Variants in CDH11 observed in about 807,000 individuals in gnomAD.
CDH11 encodes cadherin-11.
A neutral mutation model predicts 67.8 loss-of-function variants in CDH11; 11 were observed. The ratio of observed to expected loss-of-function variants is 0.16; its 90% confidence interval spans 0.10 to 0.27. CDH11 has a LOEUF of 0.27. Among genes scored for constraint, CDH11 ranks in the 10% least tolerant of loss-of-function variants. The pLI is 1.00. For missense variants in CDH11, 847 were observed against 1,031.2 expected (o/e 0.82, Z 2.45); for synonymous variants, 419 against 400.0 (o/e 1.05, Z -0.57).
chr16:64,970,104 T>C (rs2071962537), intron 11 of CDH11, among the ~76,000 whole-genome samples: 1 of 152,148 alleles, frequency 6.6e-6, no homozygotes, highest in Non-Finnish European at 1.5e-5. Flanking sequence ...TAAAAACACG[T>C]TTTTCTACAT....
intron 1 of CDH11, among the ~76,000 whole-genome samples, chr16:65,118,185 A>G (rs1294755978): frequency 1.3e-5 from 2 of 152,146 alleles, no homozygotes; most frequent in Non-Finnish European, 2.9e-5. Flanking sequence ...CCAGAAGTGC[A>G]ATCTTCCGCG....
At position 64,946,483 on chromosome 16, in the gene CDH11, T is replaced by C. The variant is rs2071200115; in HGVS notation, c.*1120A>G. ...TAAATGCATACTATATAACACATAT[T>C]GCAAAGTCATAGACTGACCTAGTTC... On this transcript the variant is annotated 3_prime_UTR_variant, in exon 13 of 13. Transcript: ENST00000268603. 15 of 1,030,628 alleles carry C rather than the reference T, an allele frequency of 1.5e-5. No individual in the cohort carries two copies. Among genetic ancestry groups the C allele is most frequent in the Non-Finnish European group, 1.8e-5 (15 of 857,018 alleles). The allele number at this position is 1,030,628 out of a possible 1,614,324, so 63.8% of individuals were successfully genotyped here.
chr16:65,064,446 G>A (rs1211722685), intron 1 of CDH11, among the ~76,000 whole-genome samples: 1 of 152,188 alleles, frequency 6.6e-6, no homozygotes, highest in African/African-American at 2.4e-5. Context: ...TCAGGGTTCT[G>A]TTACAAAGAC....
intron 7 of CDH11, among the ~76,000 whole-genome samples, chr16:64,983,515 C>T (rs551592921): frequency 3.3e-5 from 5 of 152,142 alleles, no homozygotes; most frequent in Non-Finnish European, 7.4e-5. Flanking sequence ...TCTGAATGGG[C>T]ATATAGTCAT....
intron 3 of CDH11, 77 bp from the exon 4 acceptor site, chr16:64,998,933 A>G: frequency 8.5e-7 from 1 of 1,178,166 alleles, no homozygotes; most frequent in African/African-American, 1.5e-5. Flanking sequence ...TGATTGCAAC[A>G]ATCTGCTGCG....
chr16:64,946,792 C>CT lies in CDH11; in HGVS notation c.*810dup, dbSNP rs1251451192. On this transcript the variant is annotated 3_prime_UTR_variant, in exon 13 of 13. Transcript: ENST00000268603. ...ATCAAACCCAGAATTAAAAAAAAAT[C>CT]TTTTTTTATTTCAAAGATTGCTTCT... 3.4e-5 allele frequency: 30 copies of CT among 878,778 alleles called. No homozygotes were observed. Among genetic ancestry groups the CT allele is most frequent in the Middle Eastern group, 5.3e-4 (1 of 1,884 alleles). The allele number at this position is 878,778 out of a possible 1,614,324, so 54.4% of individuals were successfully genotyped here. A position where few individuals can be genotyped will look rare whatever the true frequency, so the allele number is the denominator to read the frequency against.
chr16:65,060,227 G>C (rs183799488), intron 1 of CDH11, among the ~76,000 whole-genome samples: 141 of 152,152 alleles, frequency 9.3e-4, no homozygotes, highest in African/African-American at 3.3e-3. Flanking sequence ...GATTTCCCTT[G>C]CTCCAAAGAC....
chr16:65,043,189 A>G (rs559291491), intron 2 of CDH11, among the ~76,000 whole-genome samples: 1 of 152,336 alleles, frequency 6.6e-6, no homozygotes, highest in East Asian at 1.9e-4. Flanking sequence ...AGTGTTTAGC[A>G]TCCCATGAAT....
At chr16:64,990,243 G>A (rs1246507023) in intron 6 of CDH11, among the ~76,000 whole-genome samples, 1 of 152,158 alleles carries the variant, frequency 6.6e-6, no homozygotes, top group Non-Finnish European at 1.5e-5. Context: ...ATCGTACAGT[G>A]TGGATAATGG....
At chr16:64,972,142 G>A in intron 9 of CDH11, 78 bp from the exon 10 acceptor site, 2 of 1,318,100 alleles carry the variant, frequency 1.5e-6, no homozygotes, top group South Asian at 2.5e-5. Context: ...TTGGGAAAGA[G>A]TAAGCTCCAG....
chr16:65,016,393 C>T (rs754483977), intron 2 of CDH11, among the ~76,000 whole-genome samples: 17 of 151,986 alleles, frequency 1.1e-4, no homozygotes, highest in South Asian at 2.1e-4. Flanking sequence ...TTAGTACAAA[C>T]GCAGAGCATT....
intron 1 of CDH11, among the ~76,000 whole-genome samples, chr16:65,113,650 A>T (rs183948917): frequency 3.3e-5 from 5 of 152,256 alleles, no homozygotes; most frequent in Middle Eastern, 6.8e-3. Flanking sequence ...GATGGGAGTG[A>T]TGAGGATGGT....
chr16:65,003,905 G>GAT (rs2072985234), intron 3 of CDH11, among the ~76,000 whole-genome samples: 1 of 152,220 alleles, frequency 6.6e-6, no homozygotes, highest in Admixed American at 6.5e-5. Flanking sequence ...GAAGTAGACA[G>GAT]ATTAATAAGT....
intron 1 of CDH11, among the ~76,000 whole-genome samples, chr16:65,078,225 A>C (rs966274816): frequency 6.6e-6 from 1 of 152,256 alleles, no homozygotes; most frequent in Non-Finnish European, 1.5e-5. Flanking sequence ...GTGTCTGGCT[A>C]TAAGACTTTA....
At chr16:65,076,385 C>G (rs1440282166) in intron 1 of CDH11, among the ~76,000 whole-genome samples, 2 of 152,152 alleles carry the variant, frequency 1.3e-5, no homozygotes, top group Non-Finnish European at 2.9e-5. Context: ...ACCTCCCTCC[C>G]TCAGGCTCAC....
In CDH11 at chr16:64,991,820, T is replaced by C. The variant is rs202054993; in HGVS notation, c.759A>G (p.Lys253=). The change falls in exon 6 of 13, where the codon AAA becomes AAG. Residue 253 remains lysine (K), a synonymous_variant. Coordinates refer to ENST00000268603, the MANE Select transcript of CDH11 (RefSeq NM_001797.4). Reference sequence around the variant, plus strand: ...TGACATCGGTCAGTGTGATCGTCACTTTGGTTGTCCCTGAGAGTCCGCCCA... The same window carrying C: ...TGACATCGGTCAGTGTGATCGTCACCTTGGTTGTCCCTGAGAGTCCGCCCA... ...GHMGGLSGTT[K]VTITLTDVND... 1.2e-6 allele frequency: 2 copies of C among 1,613,984 alleles called. No homozygotes were observed. Among genetic ancestry groups the C allele is most frequent in the African/African-American group, 2.7e-5 (2 of 75,022 alleles).
At chr16:64,980,216 T>C (rs1286602413) in intron 8 of CDH11, among the ~76,000 whole-genome samples, 1 of 152,154 alleles carries the variant, frequency 6.6e-6, no homozygotes, top group African/African-American at 2.4e-5. Context: ...ACAGGTAAAG[T>C]TCATGCTTCA....
chr16:65,108,424 AGT>A (rs1414073958), intron 1 of CDH11, among the ~76,000 whole-genome samples: 10 of 152,214 alleles, frequency 6.6e-5, no homozygotes, highest in African/African-American at 2.4e-4. Context: ...TAATACTGAT[AGT>A]GACACTCCAT....
At chr16:65,060,325 A>G (rs903389308) in intron 1 of CDH11, among the ~76,000 whole-genome samples, 11 of 132,628 alleles carry the variant, frequency 8.3e-5, no homozygotes, top group Admixed American at 4.9e-4. Context: ...AAGCACACCC[A>G]CTATAAAATT....
Sources: gnomAD v4.1 joint callset for allele counts (sites outside exome capture counted in the v4.1 genomes callset) on GRCh38, gnomAD v4.1.1 for gene constraint, MANE v1.5 for transcripts, NCBI Gene and HGNC (gene_info 2026-07-23, HGNC 2026-07-21) for gene names.